NEK11: variants seen among roughly 807,000 people sequenced by gnomAD.
NEK11 encodes the protein serine/threonine-protein kinase Nek11.
NEK11 carries 72 observed loss-of-function variants against 80.7 expected under a neutral mutation model. The observed-to-expected ratio is 0.89, with a 90% CI of 0.74 to 1.08. The LOEUF (loss-of-function observed/expected upper bound fraction) is 1.08. NEK11 is among the 50% of genes least tolerant of loss of function. NEK11 has a pLI of 0.00. For missense variants in NEK11, 764 were observed against 763.6 expected, an observed-to-expected ratio of 1.00 and a Z score of -0.01; for synonymous variants, 251 against 260.7, an observed-to-expected ratio of 0.96 and a Z score of 0.36.
intron 3 of NEK11, among the ~76,000 whole-genome samples, chr3:131,034,440 C>A (rs2065321972): frequency 6.6e-6 from 1 of 151,902 alleles, no homozygotes; most frequent in African/African-American, 2.4e-5. Context: ...CGATTTGTCA[C>A]CCAGGCTGGA....
chr3:131,219,380 C>T (rs2094944391), intron 14 of NEK11, among the ~76,000 whole-genome samples: 1 of 151,224 alleles, frequency 6.6e-6, no homozygotes, highest in Admixed American at 6.6e-5. Context: ...ACATCACACA[C>T]TGGGGTCTGT....
chr3:131,108,154 G>A (rs1262590076), intron 4 of NEK11, among the ~76,000 whole-genome samples: 4 of 152,014 alleles, frequency 2.6e-5, no homozygotes, highest in Non-Finnish European at 2.9e-5. Context: ...GATTTGTTAC[G>A]GCCCTGTGTA....
intron 3 of NEK11, among the ~76,000 whole-genome samples, chr3:131,074,787 T>C (rs1271113225): frequency 2.6e-5 from 4 of 152,210 alleles, no homozygotes; most frequent in African/African-American, 9.7e-5. Flanking sequence ...CTTTTCTTCC[T>C]GCTCAAAGAA....
At chr3:131,312,886 C>T (rs759330641) in intron 17 of NEK11, among the ~76,000 whole-genome samples, 2 of 151,930 alleles carry the variant, frequency 1.3e-5, no homozygotes, top group Non-Finnish European at 2.9e-5. Context: ...AAACTCGTGT[C>T]GGGGGGTTTG....
chr3:131,155,328 C>A (rs759758148), intron 10 of NEK11, among the ~76,000 whole-genome samples: 1 of 152,198 alleles, frequency 6.6e-6, no homozygotes, highest in Non-Finnish European at 1.5e-5. Flanking sequence ...AAAGTTTAAA[C>A]CACTGCACAG....
At chr3:131,317,654 G>A (rs1303256897) in intron 17 of NEK11, among the ~76,000 whole-genome samples, 1 of 151,314 alleles carries the variant, frequency 6.6e-6, no homozygotes, top group Admixed American at 6.6e-5. Context: ...TAGCACTTTG[G>A]GAGGCTGAGA....
chr3:131,125,944 T>C (rs925596464), intron 5 of NEK11, among the ~76,000 whole-genome samples: 2 of 152,232 alleles, frequency 1.3e-5, no homozygotes, highest in African/African-American at 4.8e-5. Context: ...GACTCTATTC[T>C]GGAAGCAGTG....
chr3:131,027,198 A>G (rs2063993646), intron 1 of NEK11, 192 bp downstream of exon 1: 1 of 152,208 alleles, frequency 6.6e-6, no homozygotes, highest in Non-Finnish European at 1.5e-5. Flanking sequence ...CTGCTTTGCC[A>G]AAATGTAAAT....
intron 14 of NEK11, among the ~76,000 whole-genome samples, chr3:131,212,695 CT>C (rs2094676562): frequency 6.6e-6 from 1 of 152,194 alleles, no homozygotes; most frequent in Non-Finnish European, 1.5e-5. Context: ...TGGAATTCTA[CT>C]GTTAGGGACT....
intron 17 of NEK11, among the ~76,000 whole-genome samples, chr3:131,337,636 TAAATAAATA>T (rs2097209200): frequency 8.6e-6 from 1 of 116,254 alleles, no homozygotes; most frequent in African/African-American, 4.1e-5. Flanking sequence ...TTTAAAATAA[TAAATAAATA>T]AAAATAAATA....
In NEK11 at chr3:131,170,868, A is replaced by G. The variant is rs1204899526; in HGVS notation, c.1380A>G (p.Thr460=). Residue 460 remains threonine, a synonymous_variant, in exon 14 of 18, where the codon ACA becomes ACG. Transcript: ENST00000383366. ...HELESIVEDA[T]SDLGYHEIPE... ...TTGAATCAATTGTAGAGGATGCCAC[A>G]TCTGACCTTGGATACCATGGTATGT... The G allele has an allele frequency of 6.2e-7, 1 of 1,612,518 alleles. No individual in the cohort carries two copies. The highest frequency in any genetic ancestry group is 1.1e-5 in the South Asian group (1 of 91,050).
chr3:131,131,464 G>T (rs2084462489), intron 5 of NEK11, among the ~76,000 whole-genome samples: 2 of 152,046 alleles, frequency 1.3e-5, no homozygotes, highest in Non-Finnish European at 2.9e-5. Context: ...GTCTTTGAAG[G>T]AATTGGTTCT....
At chr3:131,299,603 C>T (rs1328199133) in intron 17 of NEK11, among the ~76,000 whole-genome samples, 1 of 152,166 alleles carries the variant, frequency 6.6e-6, no homozygotes, top group East Asian at 1.9e-4. Context: ...GTTTAGCTTC[C>T]ACTTATAAGT....
intron 4 of NEK11, among the ~76,000 whole-genome samples, chr3:131,087,295 AAT>A (rs2076118727): frequency 7.1e-6 from 1 of 141,088 alleles, no homozygotes; most frequent in Non-Finnish European, 1.5e-5. Flanking sequence ...GCTGGAGTGC[AAT>A]GAATGGCACA....
chr3:131,105,513 T>C (rs145116251), intron 4 of NEK11, among the ~76,000 whole-genome samples: 212 of 152,358 alleles, frequency 1.4e-3, no homozygotes, highest in Admixed American at 4.3e-3. Context: ...AGAGGTTTAA[T>C]TGACTCACAG....
At chr3:131,050,635 A>G (rs1048557897) in intron 3 of NEK11, among the ~76,000 whole-genome samples, 4 of 152,194 alleles carry the variant, frequency 2.6e-5, no homozygotes, top group South Asian at 2.1e-4. Context: ...TGCTTGTTTC[A>G]TCAGTTATAT....
intron 7 of NEK11, among the ~76,000 whole-genome samples, chr3:131,148,609 G>A (rs2088915938): frequency 6.6e-6 from 1 of 151,848 alleles, no homozygotes; most frequent in Admixed American, 6.6e-5. Context: ...AACAAATACA[G>A]GGTCCTTATA....
At chr3:131,196,085 G>A (rs2093999352) in intron 14 of NEK11, among the ~76,000 whole-genome samples, 1 of 151,580 alleles carries the variant, frequency 6.6e-6, no homozygotes, top group East Asian at 1.9e-4. Flanking sequence ...ATGATTATTA[G>A]TACAATATCT....
At chr3:131,341,452 T>C (rs1238292763) in intron 17 of NEK11, among the ~76,000 whole-genome samples, 2 of 152,350 alleles carry the variant, frequency 1.3e-5, no homozygotes, top group African/African-American at 4.8e-5. Context: ...TAGCACATGG[T>C]CAGTTTTCGC....
Sources: allele counts gnomAD v4.1 joint callset (sites outside exome capture counted in the v4.1 genomes callset), GRCh38; gene constraint gnomAD v4.1.1; transcripts MANE v1.5; gene names NCBI Gene and HGNC (gene_info 2026-07-23, HGNC 2026-07-21).